The following RPS6KA3 variants were observed in gnomAD, a reference collection of about 807,000 sequenced individuals.
The protein encoded by RPS6KA3 is ribosomal protein S6 kinase alpha-3.
In RPS6KA3, 4 loss-of-function variants were observed where a neutral mutation model predicts 67.2. That is an observed-to-expected ratio of 0.06 (90% CI 0.03 to 0.14). The LOEUF (loss-of-function observed/expected upper bound fraction) is 0.14. Ranked by LOEUF, RPS6KA3 falls within the 10% of genes least tolerant of loss-of-function variation. The pLI is 1.00. For missense variants in RPS6KA3, 204 were observed against 559.0 expected, an observed-to-expected ratio of 0.36 and a Z score of 6.40; for synonymous variants, 182 against 183.7, an observed-to-expected ratio of 0.99 and a Z score of 0.07.
rs1363181325 is a variant in RPS6KA3 at position 20,172,796 on chromosome X, C to G, written c.1303G>C (p.Val435Leu). 1 of 1,201,195 alleles carries G rather than the reference C, an allele frequency of 8.3e-7. No homozygotes were observed. The highest frequency in any genetic ancestry group is 1.1e-6 in the Non-Finnish European group (1 of 886,440). The change falls in exon 15 of 22, where the codon GTT (valine) becomes CTT (leucine). Residue 435 changes from valine (V) to leucine (L), a missense_variant. Val to Leu is a conservative substitution (Grantham distance 32, BLOSUM62 1). This residue lies in a region of RPS6KA3 where 73 missense variants were observed against 241.1 expected (regional missense o/e 0.30). Transcript: ENST00000379565. Reference sequence around the variant, plus strand: ...GCTTTATGTATACATCTCTTGCAAACAGAGTAGGAGCCAACTCCAATATCT... The same window carrying G: ...GCTTTATGTATACATCTCTTGCAAAGAGAGTAGGAGCCAACTCCAATATCT... The part of the protein sequence containing the change: ...KEDIGVGSYS[V>L]CKRCIHKATN...
At chrX:20,200,660 T>C (rs2068404252) in intron 4 of RPS6KA3, among the ~76,000 whole-genome samples, 2 of 111,584 alleles carry the variant, frequency 1.8e-5, no homozygotes, top group Non-Finnish European at 3.8e-5. Flanking sequence ...TGGTAAACCA[T>C]AATTTTATAA....
intron 17 of RPS6KA3, among the ~76,000 whole-genome samples, chrX:20,165,770 C>T (rs1051028398): frequency 1.8e-5 from 2 of 111,667 alleles, no homozygotes; most frequent in Admixed American, 1.9e-4. Context: ...ATTTGATATA[C>T]AAGGTGTTAC....
intron 1 of RPS6KA3, among the ~76,000 whole-genome samples, chrX:20,252,428 C>T (rs774462224): frequency 1.8e-5 from 2 of 108,933 alleles, no homozygotes; most frequent in Non-Finnish European, 3.8e-5. Flanking sequence ...TTTTTTTCCC[C>T]GAAGCAGGCA....
intron 4 of RPS6KA3, among the ~76,000 whole-genome samples, chrX:20,200,200 G>A (rs1434611784): frequency 8.9e-6 from 1 of 112,385 alleles, no homozygotes; most frequent in Non-Finnish European, 1.9e-5. Context: ...GATGTGAAAA[G>A]GGAAACTGTG....
At chrX:20,161,792 A>C in intron 19 of RPS6KA3, 31 bp from the exon 20 acceptor site, 1 of 562,200 alleles carries the variant, frequency 1.8e-6, no homozygotes, top group East Asian at 5.9e-5. Context: ...AATATTAATG[A>C]ATAAAATTTA....
chrX:20,225,169 A>G (rs1036511589), intron 2 of RPS6KA3, among the ~76,000 whole-genome samples: 1 of 108,504 alleles, frequency 9.2e-6, no homozygotes, highest in Non-Finnish European at 1.9e-5. Flanking sequence ...AGAACAGAAG[A>G]GAAGCAATTT....
At chrX:20,194,922 T>C (rs2068233084) in intron 5 of RPS6KA3, 143 bp downstream of exon 5, 1 of 353,757 alleles carries the variant, frequency 2.8e-6, no homozygotes, top group South Asian at 7.6e-5. Flanking sequence ...TAAGAAATAA[T>C]GGCTTAATTT....
At position 20,266,752 on chromosome X, in the gene RPS6KA3, C is replaced by T; in HGVS notation, c.-120G>A. ...GCGGCGGCGGCGGCGGCGGCGGCAG[C>T]GGCAGCGGCAGCGGCAGCAGCAGCA... On this transcript the variant is annotated 5_prime_UTR_variant, in exon 1 of 22. Coordinates refer to ENST00000379565, the MANE Select transcript of RPS6KA3 (RefSeq NM_004586.3). 2 of 304,111 alleles carry T rather than the reference C, an allele frequency of 6.6e-6. No individual in the cohort carries two copies. The highest frequency in any genetic ancestry group is 8.7e-6 in the Non-Finnish European group (2 of 231,011). 25.1% of individuals were successfully genotyped at this position (304,111 alleles called of 1,213,427 possible).
intron 1 of RPS6KA3, among the ~76,000 whole-genome samples, chrX:20,261,571 T>A (rs930584990): frequency 2.7e-5 from 3 of 112,334 alleles, no homozygotes; most frequent in African/African-American, 9.7e-5. Flanking sequence ...CTTGATAAAC[T>A]GTCAAAAAAT....
Position 20,168,281 on chromosome X carries a change from G to A in RPS6KA3, c.1444-534C>T, listed in dbSNP as rs2067489808. Among the ~76,000 whole-genome samples, 3 of 112,008 alleles carry A rather than the reference G, an allele frequency of 2.7e-5. No individual in the cohort carries two copies. In the South Asian group the frequency reaches 1.1e-3, roughly 42 times the overall value. On this transcript the variant is annotated intron_variant, in intron 16 of 21. Transcript: ENST00000379565. ...TGTCCTGGGGGTGGCAATGGGCAGG[G>A]CAGGCTTCCTGGAAGAAGCAGTGCC... is the stretch of plus-strand genomic sequence containing the variant.
At chrX:20,247,263 C>CA (rs1285984266) in intron 1 of RPS6KA3, among the ~76,000 whole-genome samples, 1 of 109,402 alleles carries the variant, frequency 9.1e-6, no homozygotes, top group Non-Finnish European at 1.9e-5. Context: ...CTGTCTCTAC[C>CA]AAAAAATACA....
chrX:20,264,365 A>T lies in RPS6KA3; in HGVS notation c.69+2199T>A, dbSNP rs575834710. Among the ~76,000 whole-genome samples the T allele has an allele frequency of 2.6e-4, 29 of 112,333 alleles. No individual in the cohort carries two copies. The South Asian group carries it at 0.01, about 40-fold the overall frequency. On this transcript the variant is annotated intron_variant, in intron 1 of 21. Transcript: ENST00000379565. ...CTTATAATACTCTATTTGTTTCTGG[A>T]AAATAGATGACCTCTAACTACTGGC...
chrX:20,210,871 C>A (rs1437219278), intron 2 of RPS6KA3, among the ~76,000 whole-genome samples: 8 of 110,864 alleles, frequency 7.2e-5, no homozygotes, highest in African/African-American at 2.6e-4. Context: ...CTACCTCTTT[C>A]CTCTAAATAA....
intron 1 of RPS6KA3, among the ~76,000 whole-genome samples, chrX:20,248,753 T>A (rs954705655): frequency 3.6e-4 from 40 of 112,341 alleles, no homozygotes; most frequent in Middle Eastern, 8.5e-3. Flanking sequence ...CCATACACTT[T>A]TAACCTACTT....
intron 1 of RPS6KA3, among the ~76,000 whole-genome samples, chrX:20,252,666 G>C (rs1410234810): frequency 9.0e-6 from 1 of 110,716 alleles, no homozygotes; most frequent in Non-Finnish European, 1.9e-5. Context: ...CTGATGACAG[G>C]GAGGAGGAAA....
At chrX:20,209,522 C>G in intron 2 of RPS6KA3, 118 bp from the exon 3 acceptor site, 1 of 484,367 alleles carries the variant, frequency 2.1e-6, no homozygotes, top group Non-Finnish European at 3.6e-6. Flanking sequence ...AATCTAATTT[C>G]TAAACATATT....
chrX:20,191,624 A>T (rs1230705794), intron 7 of RPS6KA3, among the ~76,000 whole-genome samples: 3 of 102,470 alleles, frequency 2.9e-5, no homozygotes, highest in Non-Finnish European at 3.9e-5. Context: ...ATGACCAGGG[A>T]TGATGAGCTT....
At chrX:20,166,997 C>T (rs902975771) in intron 17 of RPS6KA3, among the ~76,000 whole-genome samples, 2 of 110,844 alleles carry the variant, frequency 1.8e-5, no homozygotes, top group Non-Finnish European at 3.8e-5. Flanking sequence ...GGATTACAGG[C>T]GTGAGTCACT....
At chrX:20,260,808 C>T (rs191821636) in intron 1 of RPS6KA3, among the ~76,000 whole-genome samples, 1 of 111,629 alleles carries the variant, frequency 9.0e-6, no homozygotes, top group East Asian at 2.8e-4. Flanking sequence ...CCCTATTTTA[C>T]AAATTAGGAT....
Sources: allele counts gnomAD v4.1 joint callset (sites outside exome capture counted in the v4.1 genomes callset), GRCh38; gene constraint gnomAD v4.1.1; regional missense constraint gnomAD v4.1.1; transcripts MANE v1.5; gene names NCBI Gene and HGNC (gene_info 2026-07-23, HGNC 2026-07-21).